Variants in DPYD observed in about 807,000 individuals in gnomAD.
The protein encoded by DPYD is dihydropyrimidine dehydrogenase, also known as dihydropyrimidine dehydrogenase [NADP(+)].
Under a neutral mutation model 116.2 loss-of-function variants are expected in DPYD, and 109 were observed. The observed-to-expected ratio is 0.94, with a 90% CI of 0.80 to 1.10. The LOEUF (loss-of-function observed/expected upper bound fraction) is 1.10. Among genes scored for constraint, DPYD ranks in the 50% least tolerant of loss-of-function variants. The pLI is 0.00. For synonymous variants in DPYD, 440 were observed against 432.0 expected, an observed-to-expected ratio of 1.02 and a Z score of -0.23; for missense variants, 1,302 against 1,254.5, an observed-to-expected ratio of 1.04 and a Z score of -0.57.
At position 97,078,990 on chromosome 1, in the gene DPYD, T is replaced by C. The variant is rs781348608; in HGVS notation, c.3064A>G (p.Asn1022Asp). 1.9e-6 allele frequency: 3 copies of C among 1,613,662 alleles called. No individual in the cohort carries two copies. The highest frequency in any genetic ancestry group is 1.7e-6 in the Non-Finnish European group (2 of 1,179,636). ...EPKRGVPLSV[N>D]PVC Reference sequence around the variant, plus strand: ...CACAAATCACCTTAACACACCGGATTCACAGATAAGGGTACGCCTCTCTTT... The same window carrying C: ...CACAAATCACCTTAACACACCGGATCCACAGATAAGGGTACGCCTCTCTTT... The change falls in exon 23 of 23, where the codon AAT becomes GAT. Residue 1022 changes from asparagine (N) to aspartate (D), a missense_variant. Coordinates refer to ENST00000370192, the MANE Select transcript of DPYD (RefSeq NM_000110.4).
chr1:97,173,304 A>G (rs199787182), intron 20 of DPYD, among the ~76,000 whole-genome samples: 19 of 135,238 alleles, frequency 1.4e-4, no homozygotes, highest in East Asian at 5.0e-4. Context: ...ACATATGTAC[A>G]TATATATGCA....
chr1:97,871,283 A>T (rs781280019), intron 2 of DPYD, among the ~76,000 whole-genome samples: 7 of 151,868 alleles, frequency 4.6e-5, no homozygotes, highest in Non-Finnish European at 1.0e-4. Flanking sequence ...AATTCAATCT[A>T]TTTGGTTCCA....
At chr1:97,706,175 T>A (rs953754228) in intron 5 of DPYD, among the ~76,000 whole-genome samples, 1 of 152,040 alleles carries the variant, frequency 6.6e-6, no homozygotes, top group Non-Finnish European at 1.5e-5. Context: ...GATTTTGATA[T>A]ATTCTAGCCA....
chr1:97,502,805 G>C (rs1018272568), intron 13 of DPYD, among the ~76,000 whole-genome samples: 16 of 151,846 alleles, frequency 1.1e-4, no homozygotes, highest in Non-Finnish European at 2.2e-4. Flanking sequence ...AACTTTTATT[G>C]ACAGGGTATT....
chr1:97,129,131 T>C (rs1001775191), intron 20 of DPYD, among the ~76,000 whole-genome samples: 5 of 151,568 alleles, frequency 3.3e-5, no homozygotes, highest in Non-Finnish European at 7.4e-5. Context: ...ATGGCATGAT[T>C]TTGGATCACT....
intron 4 of DPYD, among the ~76,000 whole-genome samples, chr1:97,721,928 A>T (rs1662948169): frequency 6.6e-6 from 1 of 151,728 alleles, no homozygotes; most frequent in South Asian, 2.1e-4. Flanking sequence ...TTTAAAATAT[A>T]ATAAATGTTC....
At chr1:97,364,260 A>G (rs1187047654) in intron 16 of DPYD, among the ~76,000 whole-genome samples, 3 of 152,214 alleles carry the variant, frequency 2.0e-5, no homozygotes, top group African/African-American at 7.2e-5. Context: ...ATAGAAGGTT[A>G]GACATTTTAC....
chr1:97,691,699 G>C lies in DPYD; in HGVS notation c.762+18C>G, dbSNP rs1661016151. On this transcript the variant is annotated intron_variant, in intron 7 of 22. Transcript: ENST00000370192. ...TTTCTTTTTGAGCAGTACACAGATA[G>C]GTGTTTTTTTCATTTACCTTTACAC... 2 of 1,600,376 alleles carry C rather than the reference G, an allele frequency of 1.2e-6. No homozygotes were observed. Among genetic ancestry groups the C allele is most frequent in the African/African-American group, 1.3e-5 (1 of 74,712 alleles).
rs1240771648 is a variant in DPYD, at chr1:97,549,660, C to A, written c.1424G>T (p.Trp475Leu). ...AACGACATCACCACCTGCAAATACC[C>A]ATGCTTCACTAGTTTGCATAGTTTC... ...DPETMQTSEA[W>L]VFAGGDVVGL... is the part of the protein sequence containing the mutation. The change falls in exon 12 of 23, where the codon TGG (tryptophan) becomes TTG (leucine). Residue 475 changes from tryptophan (W) to leucine (L), a missense_variant. Coordinates refer to ENST00000370192, the MANE Select transcript of DPYD (RefSeq NM_000110.4). 1 of 1,613,876 alleles carries A rather than the reference C, an allele frequency of 6.2e-7. No individual in the cohort carries two copies. Among genetic ancestry groups the A allele is most frequent in the Admixed American group, 1.7e-5 (1 of 59,986 alleles).
At chr1:97,482,818 A>G (rs1678399598) in intron 13 of DPYD, among the ~76,000 whole-genome samples, 1 of 152,022 alleles carries the variant, frequency 6.6e-6, no homozygotes, top group Non-Finnish European at 1.5e-5. Context: ...CTAAGATTTC[A>G]GCTCTTTTAT....
chr1:97,551,705 C>T (rs1651334358), intron 11 of DPYD, among the ~76,000 whole-genome samples: 1 of 152,018 alleles, frequency 6.6e-6, no homozygotes, highest in South Asian at 2.1e-4. Flanking sequence ...CCTTAGTTAT[C>T]TCTGAGTCCC....
At chr1:97,580,946 G>A (rs78372232) in intron 10 of DPYD, among the ~76,000 whole-genome samples, 14,661 of 152,018 alleles carry the variant, frequency 0.096, 975 homozygotes, top group Non-Finnish European at 0.14. Flanking sequence ...GCATTTGGGG[G>A]ATAAAAAGTG....
chr1:97,821,279 C>T (rs1202402817), intron 3 of DPYD, among the ~76,000 whole-genome samples: 5 of 143,746 alleles, frequency 3.5e-5, no homozygotes, highest in African/African-American at 1.3e-4. Flanking sequence ...TGCAGTGAGC[C>T]GAGACCGCAA....
intron 12 of DPYD, among the ~76,000 whole-genome samples, chr1:97,537,114 A>T (rs1259357134): frequency 6.6e-6 from 1 of 152,250 alleles, no homozygotes; most frequent in African/African-American, 2.4e-5. Flanking sequence ...TCTTCTAAGT[A>T]ACAGGGACTT....
chr1:97,902,262 T>G (rs1673406526), intron 1 of DPYD, among the ~76,000 whole-genome samples: 1 of 151,766 alleles, frequency 6.6e-6, no homozygotes, highest in African/African-American at 2.4e-5. Flanking sequence ...GTCTCCTAAC[T>G]CTATGACATC....
At chr1:97,353,802 A>C (rs1044227082) in intron 16 of DPYD, among the ~76,000 whole-genome samples, 1 of 152,188 alleles carries the variant, frequency 6.6e-6, no homozygotes, top group East Asian at 1.9e-4. Flanking sequence ...ACTTCCACAA[A>C]TAGCACTGTC....
intron 16 of DPYD, among the ~76,000 whole-genome samples, chr1:97,361,510 A>G (rs1670723787): frequency 6.6e-6 from 1 of 152,204 alleles, no homozygotes; most frequent in African/African-American, 2.4e-5. Context: ...AAAAAAGAGA[A>G]TTTTAGACCA....
intron 4 of DPYD, among the ~76,000 whole-genome samples, chr1:97,726,554 C>T (rs902710197): frequency 1.2e-4 from 18 of 151,462 alleles, no homozygotes; most frequent in African/African-American, 4.4e-4. Flanking sequence ...TATGACATCA[C>T]AGAAACACTT....
chr1:97,257,274 T>G, intron 18 of DPYD, among the ~76,000 whole-genome samples: 1 of 151,970 alleles, frequency 6.6e-6, no homozygotes, highest in South Asian at 2.1e-4. Context: ...ATTTGATATC[T>G]TGTTATTAGA....
Sources: gnomAD v4.1 joint callset for allele counts (sites outside exome capture counted in the v4.1 genomes callset) on GRCh38, gnomAD v4.1.1 for gene constraint, MANE v1.5 for transcripts, NCBI Gene and HGNC (gene_info 2026-07-23, HGNC 2026-07-21) for gene names.